The following CALN1 variants were observed in gnomAD, a reference collection of about 807,000 sequenced individuals.
CALN1 encodes the protein calcium-binding protein 8.
Under a neutral mutation model 30.6 loss-of-function variants are expected in CALN1, and 17 were observed. The observed-to-expected ratio is 0.56, with a 90% CI of 0.38 to 0.83. CALN1 has a LOEUF of 0.83. Among genes scored for constraint, CALN1 ranks in the 40% least tolerant of loss-of-function variants. The pLI, the probability that CALN1 is intolerant of heterozygous loss-of-function variation, is 0.00. For synonymous variants in CALN1, 156 were observed against 131.4 expected (o/e 1.19, Z -1.28); for missense variants, 291 against 354.9 (o/e 0.82, Z 1.45).
intron 5 of CALN1, among the ~76,000 whole-genome samples, chr7:71,973,432 T>C (rs1216656830): frequency 6.6e-6 from 1 of 152,198 alleles, no homozygotes; most frequent in East Asian, 1.9e-4. Flanking sequence ...CGTCTCGGCC[T>C]CCCAAAGTAC....
intron 2 of CALN1, among the ~76,000 whole-genome samples, chr7:72,295,336 TCA>T (rs1036617967): frequency 2.0e-5 from 3 of 152,180 alleles, no homozygotes; most frequent in Non-Finnish European, 4.4e-5. Context: ...TTTTTTTAAA[TCA>T]CAGAGTGTAG....
chr7:72,316,629 C>A (rs2129556860), intron 2 of CALN1, among the ~76,000 whole-genome samples: 1 of 152,190 alleles, frequency 6.6e-6, no homozygotes, highest in African/African-American at 2.4e-5. Flanking sequence ...AAACCTTTTA[C>A]TTATGCACTT....
the CALN1 span, among the ~76,000 whole-genome samples, chr7:72,470,775 G>A: frequency 7.1e-3 from 1,083 of 152,284 alleles, 14 homozygotes; most frequent in African/African-American, 0.024. Flanking sequence ...GGCAGAACAC[G>A]TGAGCAGGGG....
intron 1 of CALN1, among the ~76,000 whole-genome samples, chr7:72,444,762 C>T (rs993263717): frequency 6.6e-6 from 1 of 152,182 alleles, no homozygotes; most frequent in African/African-American, 2.4e-5. Flanking sequence ...AGCTAAATGA[C>T]TCCATTTAAT....
In CALN1 at chr7:71,798,172, AGAG is replaced by A. The variant is rs1254606955; in HGVS notation, c.659-10273_659-10271del. ...GAGAGAGAGAGAGAGAGAGAGAGAG[AGAG>A]ATGTTGCTTGAGCTCTTTGAGTCCA... On this transcript the variant is annotated intron_variant, in intron 6 of 6. Coordinates refer to ENST00000395275, the MANE Select transcript of CALN1 (RefSeq NM_031468.4). Among the ~76,000 whole-genome samples the A allele has an allele frequency of 4.5e-4, 62 of 136,938 alleles. 1 individual carries two copies. The highest frequency in any genetic ancestry group is 1.5e-3 in the Admixed American group (20 of 13,404). The allele number at this position is 136,938 out of a possible 152,430, so 89.8% of individuals were successfully genotyped here.
intron 3 of CALN1, among the ~76,000 whole-genome samples, chr7:72,137,415 G>C (rs10281262): frequency 0.24 from 35,972 of 152,082 alleles, 5,230 homozygotes; most frequent in East Asian, 0.68. Flanking sequence ...TAATGAAAAA[G>C]ATTGAAATAT....
At chr7:72,254,428 T>C (rs1002338881) in intron 3 of CALN1, among the ~76,000 whole-genome samples, 1 of 152,186 alleles carries the variant, frequency 6.6e-6, no homozygotes, top group African/African-American at 2.4e-5. Context: ...GATGCATGAG[T>C]CCCCTGCCTG....
intron 3 of CALN1, among the ~76,000 whole-genome samples, chr7:72,229,461 T>C (rs1020504341): frequency 4.6e-5 from 7 of 152,080 alleles, no homozygotes; most frequent in Non-Finnish European, 7.4e-5. Flanking sequence ...TAAATCATTC[T>C]ACTATAAAGA....
Position 72,412,153 on chromosome 7 carries a change from G to A in CALN1, c.-169C>T, listed in dbSNP as rs748647793. On this transcript the variant is annotated 5_prime_UTR_variant, in exon 1 of 7. Transcript: ENST00000395275. ...CGCGGTGAGTGTTACAGCTCTTAAAGATGGCGCGTCCGGAGTCGTCTGCTC... is the reference window on the plus strand; with the variant it reads ...CGCGGTGAGTGTTACAGCTCTTAAAAATGGCGCGTCCGGAGTCGTCTGCTC... 1 of 152,714 alleles carries A rather than the reference G, an allele frequency of 6.5e-6. No homozygotes were observed. The highest frequency in any genetic ancestry group is 1.9e-4 in the East Asian group (1 of 5,204). 9.5% of individuals were successfully genotyped at this position (152,714 alleles called of 1,614,324 possible).
In CALN1 at chr7:72,199,994, C is replaced by T. The variant is rs895770922; in HGVS notation, c.244+78692G>A. Among the ~76,000 whole-genome samples the T allele has an allele frequency of 3.9e-5, 6 of 152,154 alleles. No homozygotes were observed. In the South Asian group the frequency reaches 6.2e-4, roughly 16 times the overall value. ...CTGCAAGGTTAGCAGAATTCTCAAGCGACCTCTACTATGCCCCCTTCAATC... is the reference window on the plus strand; with the variant it reads ...CTGCAAGGTTAGCAGAATTCTCAAGTGACCTCTACTATGCCCCCTTCAATC... On this transcript the variant is annotated intron_variant, in intron 3 of 6. Coordinates refer to ENST00000395275, the MANE Select transcript of CALN1 (RefSeq NM_031468.4).
chr7:72,227,003 T>G (rs1044468275), intron 3 of CALN1, among the ~76,000 whole-genome samples: 1 of 152,050 alleles, frequency 6.6e-6, no homozygotes, highest in African/African-American at 2.4e-5. Context: ...ACCACTGCAC[T>G]CCAGCCTGGG....
At chr7:71,945,990 A>G (rs17426790) in intron 5 of CALN1, among the ~76,000 whole-genome samples, 23,360 of 152,188 alleles carry the variant, frequency 0.15, 2,219 homozygotes, top group Non-Finnish European at 0.23. Flanking sequence ...AGGCTTCTGA[A>G]GGACTTCCCC....
chr7:72,323,154 C>A (rs2968531), intron 2 of CALN1, among the ~76,000 whole-genome samples: 1 of 151,594 alleles, frequency 6.6e-6, no homozygotes, highest in Non-Finnish European at 1.5e-5. Context: ...TGAGAGGGAC[C>A]CTGTAGAGAG....
At chr7:71,853,391 C>T (rs1365021313) in intron 5 of CALN1, among the ~76,000 whole-genome samples, 2 of 151,740 alleles carry the variant, frequency 1.3e-5, no homozygotes, top group Admixed American at 6.6e-5. Context: ...TATGCAATGG[C>T]TAAATCAATC....
At chr7:72,248,756 T>C (rs1038933974) in intron 3 of CALN1, among the ~76,000 whole-genome samples, 1 of 151,864 alleles carries the variant, frequency 6.6e-6, no homozygotes, top group Non-Finnish European at 1.5e-5. Context: ...GGGGATATCT[T>C]TGGGGGTACA....
chr7:72,371,837 G>C (rs1040411874), intron 2 of CALN1, among the ~76,000 whole-genome samples: 14 of 152,206 alleles, frequency 9.2e-5, no homozygotes, highest in Non-Finnish European at 1.5e-5. Context: ...GTAAGATAAA[G>C]TAAGCATGTT....
chr7:71,960,754 C>T (rs1244418671), intron 5 of CALN1, among the ~76,000 whole-genome samples: 2 of 152,150 alleles, frequency 1.3e-5, no homozygotes, highest in Non-Finnish European at 2.9e-5. Context: ...CACTCTCTAC[C>T]TCCATGCAGG....
chr7:72,380,698 C>T (rs186448838), intron 2 of CALN1, among the ~76,000 whole-genome samples: 2 of 145,998 alleles, frequency 1.4e-5, no homozygotes, highest in South Asian at 4.4e-4. Flanking sequence ...TGGATACATA[C>T]ATTAGATTAG....
At chr7:72,283,397 T>A (rs369715523) in intron 2 of CALN1, among the ~76,000 whole-genome samples, 1 of 152,114 alleles carries the variant, frequency 6.6e-6, no homozygotes, top group African/African-American at 2.4e-5. Flanking sequence ...TAGCTGGGCA[T>A]GGTGGCACAC....
Sources: allele counts gnomAD v4.1 joint callset (sites outside exome capture counted in the v4.1 genomes callset), GRCh38; gene constraint gnomAD v4.1.1; transcripts MANE v1.5; gene names NCBI Gene and HGNC (gene_info 2026-07-23, HGNC 2026-07-21).